CEMIP2: variants seen among roughly 807,000 people sequenced by gnomAD.
CEMIP2 encodes cell surface hyaluronidase CEMIP2.
CEMIP2 carries 79 observed loss-of-function variants against 146.9 expected under a neutral mutation model. That is an observed-to-expected ratio of 0.54 (90% CI 0.45 to 0.65). The LOEUF (loss-of-function observed/expected upper bound fraction) is 0.65. Among genes scored for constraint, CEMIP2 ranks in the 30% least tolerant of loss-of-function variants. CEMIP2 has a pLI of 0.00. For synonymous variants in CEMIP2, 601 were observed against 606.3 expected, an observed-to-expected ratio of 0.99 and a Z score of 0.13; for missense variants, 1,596 against 1,696.2, an observed-to-expected ratio of 0.94 and a Z score of 1.04.
At chr9:71,714,846 C>A (rs998433138) in intron 15 of CEMIP2, 88 bp downstream of exon 15, 5 of 1,383,134 alleles carry the variant, frequency 3.6e-6, no homozygotes, top group Non-Finnish European at 4.9e-6. Flanking sequence ...GGAACCAATC[C>A]ATCCAGGATT....
chr9:71,765,675 G>A (rs971310507), intron 1 of CEMIP2, among the ~76,000 whole-genome samples: 13 of 152,130 alleles, frequency 8.5e-5, no homozygotes, highest in African/African-American at 2.4e-4. Flanking sequence ...CGTTCTGTGC[G>A]TAATTCTCCC....
rs1824045502 is a variant in CEMIP2 at position 71,745,201 on chromosome 9, C to T, written c.851G>A (p.Arg284Lys). Residue 284 changes from arginine to lysine, a missense_variant, in exon 4 of 24, where the codon AGA (arginine) becomes AAA (lysine). By Grantham distance (26) the Arg-to-Lys change is conservative. Coordinates refer to ENST00000377044, the MANE Select transcript of CEMIP2 (RefSeq NM_013390.3). ...QDTAKILESE[R>K]FDTHEYRNES... ...ATTGCGGTATTCATGGGTATCAAAT[C>T]TCTCACTTTCCAAAATTTTGGCCGT... The T allele has an allele frequency of 1.2e-6, 2 of 1,613,974 alleles. No homozygotes were observed. Among genetic ancestry groups the T allele is most frequent in the African/African-American group, 2.7e-5 (2 of 74,892 alleles).
intron 4 of CEMIP2, among the ~76,000 whole-genome samples, chr9:71,744,775 A>G (rs999992489): frequency 2.6e-5 from 4 of 152,174 alleles, no homozygotes; most frequent in Non-Finnish European, 4.4e-5. Flanking sequence ...TCTGCTCTCA[A>G]CTTTTCACAA....
At chr9:71,729,773 A>C in intron 10 of CEMIP2, 72 bp downstream of exon 10, 1 of 1,483,006 alleles carries the variant, frequency 6.7e-7, no homozygotes, top group Non-Finnish European at 9.4e-7. Flanking sequence ...ATGACATTAA[A>C]TCCAAATAAA....
In CEMIP2 at chr9:71,745,524, A is replaced by G; in HGVS notation, c.528T>C (p.Thr176=). The G allele has an allele frequency of 6.2e-7, 1 of 1,613,258 alleles. No individual in the cohort carries two copies. Among genetic ancestry groups the G allele is most frequent in the Non-Finnish European group, 8.5e-7 (1 of 1,179,882 alleles). Reference sequence around the variant, plus strand: ...CACCATCCTGGATCAGGATGTAATGAGTCCTCAAAGTAATATTTCTGGATC... The same window carrying G: ...CACCATCCTGGATCAGGATGTAATGGGTCCTCAAAGTAATATTTCTGGATC... ...KDGSRNITLR[T]HYILIQDGGA... The change falls in exon 4 of 24, where the codon ACT becomes ACC. Residue 176 remains threonine (T), a synonymous_variant. Transcript: ENST00000377044.
chr9:71,748,084 T>C (rs1280289822), intron 2 of CEMIP2, among the ~76,000 whole-genome samples: 2 of 152,208 alleles, frequency 1.3e-5, no homozygotes, highest in Non-Finnish European at 2.9e-5. Flanking sequence ...TCTCCATAGT[T>C]TTATAACAAG....
chr9:71,752,209 A>T (rs1213978809), intron 1 of CEMIP2, among the ~76,000 whole-genome samples: 1 of 151,542 alleles, frequency 6.6e-6, no homozygotes. Context: ...AACTTACACC[A>T]CTGTGTCTTT....
intron 4 of CEMIP2, among the ~76,000 whole-genome samples, chr9:71,741,836 G>C (rs1014933780): frequency 1.3e-5 from 2 of 151,676 alleles, no homozygotes; most frequent in Admixed American, 1.3e-4. Context: ...AGTAGAGACA[G>C]GGTTTCACCA....
Position 71,704,690 on chromosome 9 carries a change from C to G in CEMIP2, c.3099G>C (p.Gln1033His). ...RGINQKAAFP[Q>H]YQPVVMLEKG... ...TCTCCAGCATGACGACAGGCTGGTA[C>G]TGTGGAAAGGCAGCCTTCTGATTAA... The change falls in exon 18 of 24, where the codon CAG becomes CAC. Residue 1033 changes from glutamine (Q) to histidine (H), a missense_variant. Transcript: ENST00000377044. The G allele has an allele frequency of 1.2e-6, 2 of 1,614,166 alleles. No homozygotes were observed. Among genetic ancestry groups the G allele is most frequent in the Non-Finnish European group, 1.7e-6 (2 of 1,180,028 alleles).
At chr9:71,699,391 TACC>T (rs2131876417) in intron 19 of CEMIP2, 1 of 447,384 alleles carries the variant, frequency 2.2e-6, no homozygotes, top group Non-Finnish European at 4.4e-6. Context: ...GGCTGTAGTG[TACC>T]ACAACTATGC....
At chr9:71,694,266 G>A (rs1263595099) in intron 21 of CEMIP2, among the ~76,000 whole-genome samples, 1 of 151,812 alleles carries the variant, frequency 6.6e-6, no homozygotes, top group African/African-American at 2.4e-5. Flanking sequence ...GGGACTACAG[G>A]CACCCACCCG....
chr9:71,709,033 T>G (rs1822831670), intron 17 of CEMIP2, among the ~76,000 whole-genome samples: 1 of 152,184 alleles, frequency 6.6e-6, no homozygotes, highest in Non-Finnish European at 1.5e-5. Context: ...GACTCACTCT[T>G]TCACCTCTTA....
At chr9:71,728,248 T>TAC (rs1823465695) in intron 10 of CEMIP2, among the ~76,000 whole-genome samples, 1 of 46,172 alleles carries the variant, frequency 2.2e-5, no homozygotes, top group Non-Finnish European at 5.0e-5. Context: ...TATATATATA[T>TAC]ATGTATATAC....
At chr9:71,701,166 C>G (rs573006991) in intron 18 of CEMIP2, among the ~76,000 whole-genome samples, 2 of 152,148 alleles carry the variant, frequency 1.3e-5, no homozygotes, top group South Asian at 4.2e-4. Flanking sequence ...AGTGCAGTGG[C>G]GCGATCTCAG....
At chr9:71,720,798 T>A (rs1461616375) in intron 12 of CEMIP2, among the ~76,000 whole-genome samples, 1 of 152,254 alleles carries the variant, frequency 6.6e-6, no homozygotes, top group Non-Finnish European at 1.5e-5. Flanking sequence ...GTTCCTTTTC[T>A]GCTATAATCA....
chr9:71,730,113 G>T lies in CEMIP2; in HGVS notation c.1914C>A (p.Ser638=), dbSNP rs759380773. The T allele has an allele frequency of 8.7e-6, 14 of 1,614,074 alleles. No individual in the cohort carries two copies. The highest frequency in any genetic ancestry group is 1.1e-5 in the Non-Finnish European group (13 of 1,180,054). Residue 638 remains serine, a synonymous_variant, in exon 9 of 24, where the codon TCC becomes TCA. Transcript: ENST00000377044. The stretch of plus-strand genomic sequence containing the variant: ...CTTTATCTCGCATGGTGGTACACAT[G>T]GAGTTGTTCCTATCGGTGGGCAGGA... The part of the protein sequence containing the change: ...GTLLPTDRNN[S]MCTTMRDKVF...
chr9:71,712,007 G>A (rs140242983), intron 16 of CEMIP2, 76 bp downstream of exon 16: 67 of 1,509,238 alleles, frequency 4.4e-5, no homozygotes, highest in African/African-American at 2.9e-4. Flanking sequence ...AATCCTTTGC[G>A]TTTTTGTCTT....
chr9:71,768,063 G>GGA (rs1330618821), intron 1 of CEMIP2, among the ~76,000 whole-genome samples: 1 of 152,176 alleles, frequency 6.6e-6, no homozygotes, highest in Non-Finnish European at 1.5e-5. Context: ...AAGAGAGAGT[G>GGA]GAGAGAAAGA....
chr9:71,752,600 T>G (rs1824294994), intron 1 of CEMIP2, among the ~76,000 whole-genome samples: 1 of 151,562 alleles, frequency 6.6e-6, no homozygotes, highest in Non-Finnish European at 1.5e-5. Context: ...TTTAACCTCT[T>G]ACATCCCTTC....
Sources: allele counts gnomAD v4.1 joint callset (sites outside exome capture counted in the v4.1 genomes callset), GRCh38; gene constraint gnomAD v4.1.1; transcripts MANE v1.5; gene names NCBI Gene and HGNC (gene_info 2026-07-23, HGNC 2026-07-21).